CD53: variants seen among roughly 807,000 people sequenced by gnomAD.
The protein encoded by CD53 is CD53 molecule.
A neutral mutation model predicts 27.3 loss-of-function variants in CD53; 20 were observed. The ratio of observed to expected loss-of-function variants is 0.73; its 90% CI spans 0.52 to 1.07. CD53 has a LOEUF of 1.07. Among genes scored for constraint, CD53 ranks in the 50% least tolerant of loss-of-function variants. The probability of loss-of-function intolerance (pLI) is 0.00; values close to 1 mark genes in which losing one functional copy is unlikely to be tolerated. For missense variants in CD53, 216 were observed against 264.0 expected (o/e 0.82, Z 1.26); for synonymous variants, 106 against 105.3 (o/e 1.01, Z -0.04).
chr1:110,892,468 A>G lies in CD53; in HGVS notation c.187A>G (p.Ile63Val), dbSNP rs771166596. The stretch of plus-strand genomic sequence containing the variant: ...TGTGTTTGTCATCGTGGGCTCTATT[A>G]TCATGGTAGTTGCCTTCCTGGGCTG... ...GNVFVIVGSI[I>V]MVVAFLGCMG... Residue 63 changes from isoleucine to valine, a missense_variant, in exon 3 of 8, where the codon ATC becomes GTC. Coordinates refer to ENST00000271324, the MANE Select transcript of CD53 (RefSeq NM_000560.4). The G allele has an allele frequency of 6.2e-7, 1 of 1,614,016 alleles. No individual in the cohort carries two copies. Among genetic ancestry groups the G allele is most frequent in the Non-Finnish European group, 8.5e-7 (1 of 1,179,994 alleles).
chr1:110,892,246 T>C, intron 2 of CD53, 99 bp from the exon 3 acceptor site: 2 of 901,956 alleles, frequency 2.2e-6, no homozygotes, highest in South Asian at 1.3e-5. Flanking sequence ...ATTGAGCCAG[T>C]TAAAAATAAA....
At chr1:110,898,852 T>C (rs1401756007) in intron 7 of CD53, among the ~76,000 whole-genome samples, 1 of 152,108 alleles carries the variant, frequency 6.6e-6, no homozygotes, top group Non-Finnish European at 1.5e-5. Flanking sequence ...AATATGACCA[T>C]CCTAGCAGCA....
At chr1:110,883,145 A>T (rs1219199353) in intron 1 of CD53, among the ~76,000 whole-genome samples, 1 of 151,894 alleles carries the variant, frequency 6.6e-6, no homozygotes, top group Admixed American at 6.6e-5. Flanking sequence ...ATATAAGGGT[A>T]AGGCATTTGG....
chr1:110,891,567 A>T, intron 2 of CD53, 96 bp downstream of exon 2: 1 of 911,744 alleles, frequency 1.1e-6, no homozygotes, highest in Non-Finnish European at 1.8e-6. Context: ...GGTAAAATGC[A>T]TGCGTGTTTG....
At chr1:110,897,608 T>A (rs919601401) in intron 6 of CD53, 20 of 474,176 alleles carry the variant, frequency 4.2e-5, no homozygotes, top group African/African-American at 3.9e-4. Flanking sequence ...ACTGTAATGA[T>A]AACACCACCA....
chr1:110,873,159 C>T lies in CD53; in HGVS notation c.-107C>T, dbSNP rs1478559582. ...ACTTCTCCTTTTACACAAATAGCCC[C>T]GGATATCTGTGTTACCAGCCTTGTC... On this transcript the variant is annotated 5_prime_UTR_variant, in exon 1 of 8. Transcript: ENST00000271324. 3 of 152,554 alleles carry T rather than the reference C, an allele frequency of 2.0e-5. No individual in the cohort carries two copies. The highest frequency in any genetic ancestry group is 6.6e-5 in the Admixed American group (1 of 15,262). The allele number at this position is 152,554 out of a possible 1,614,324, so 9.5% of individuals were successfully genotyped here.
intron 1 of CD53, among the ~76,000 whole-genome samples, chr1:110,886,869 A>ATATATATATATATATATTTTT (rs1298376721): frequency 6.0e-5 from 5 of 82,790 alleles, no homozygotes; most frequent in Non-Finnish European, 1.1e-4. Context: ...ATATATATAT[A>ATATATATATATATATATTTTT]TTTTTTTTTT....
chr1:110,897,764 G>T, intron 6 of CD53, 45 bp from the exon 7 acceptor site: 1 of 1,165,470 alleles, frequency 8.6e-7, no homozygotes, highest in South Asian at 1.3e-5. Context: ...TCTTGATATG[G>T]TGGAATTATA....
intron 1 of CD53, among the ~76,000 whole-genome samples, chr1:110,877,058 T>C (rs1390283669): frequency 6.6e-6 from 1 of 152,206 alleles, no homozygotes; most frequent in Non-Finnish European, 1.5e-5. Context: ...ATGTACTTTA[T>C]TCAGATTCCA....
intron 1 of CD53, among the ~76,000 whole-genome samples, chr1:110,878,311 A>G (rs1446871478): frequency 6.6e-6 from 1 of 152,190 alleles, no homozygotes; most frequent in Non-Finnish European, 1.5e-5. Flanking sequence ...CTTTTTCTTA[A>G]TCACAGCCTC....
At chr1:110,889,383 C>T (rs1399407029) in intron 1 of CD53, among the ~76,000 whole-genome samples, 5 of 151,566 alleles carry the variant, frequency 3.3e-5, no homozygotes, top group African/African-American at 9.7e-5. Flanking sequence ...GGTGAAACCC[C>T]GTCTCTACTA....
At chr1:110,898,373 T>A (rs1657157592) in intron 7 of CD53, among the ~76,000 whole-genome samples, 1 of 103,640 alleles carries the variant, frequency 9.6e-6, no homozygotes, top group African/African-American at 3.1e-5. Context: ...CGAGACTCTG[T>A]CTCCAGAAAA....
intron 1 of CD53, among the ~76,000 whole-genome samples, chr1:110,886,220 C>T (rs1045584330): frequency 3.9e-5 from 6 of 152,046 alleles, no homozygotes; most frequent in Admixed American, 2.0e-4. Context: ...GAAGTCTGCT[C>T]TTATCCTTAC....
At chr1:110,897,761 A>G in intron 6 of CD53, 48 bp from the exon 7 acceptor site, 3 of 1,105,880 alleles carry the variant, frequency 2.7e-6, no homozygotes, top group Non-Finnish European at 2.8e-6. Context: ...TCCTCTTGAT[A>G]TGGTGGAATT....
Position 110,894,414 on chromosome 1 carries a change from G to T in CD53, c.327+13G>T. On this transcript the variant is annotated intron_variant, in intron 4 of 7. Coordinates refer to ENST00000271324, the MANE Select transcript of CD53 (RefSeq NM_000560.4). ...ATATGAACAGAAGGTAAGTTATAAA[G>T]ACAACAACTTATTGTCTTAATACTG... 1 of 1,602,064 alleles carries T rather than the reference G, an allele frequency of 6.2e-7. No homozygotes were observed. The highest frequency in any genetic ancestry group is 1.1e-5 in the South Asian group (1 of 90,882).
rs539079681 is a variant in CD53, at chr1:110,893,921, G to A, written c.253-406G>A. 3.3e-5 allele frequency among the ~76,000 whole-genome samples: 5 copies of A among 152,122 alleles called. No individual in the cohort carries two copies. The South Asian group carries it at 6.2e-4, about 19-fold the overall frequency. On this transcript the variant is annotated intron_variant, in intron 3 of 7. Transcript: ENST00000271324. ...CTACCATTGTACAGGGCTCCTCTCAGCCACTACCAGCAGTCCTCCACCCAG... is the reference window on the plus strand; with the variant it reads ...CTACCATTGTACAGGGCTCCTCTCAACCACTACCAGCAGTCCTCCACCCAG...
At chr1:110,872,415 A>G (rs1283203951), upstream of CD53, among the ~76,000 whole-genome samples, 2 of 152,208 alleles carry the variant, frequency 1.3e-5, no homozygotes, top group Non-Finnish European at 2.9e-5. Flanking sequence ...TAGGATTATT[A>G]TTAGGTGTTA....
intron 1 of CD53, among the ~76,000 whole-genome samples, chr1:110,876,395 TA>T (rs768907022): frequency 6.6e-6 from 1 of 152,190 alleles, no homozygotes; most frequent in Non-Finnish European, 1.5e-5. Flanking sequence ...TAAGCAAACA[TA>T]AAAATACCAC....
chr1:110,872,825 AC>A (rs141976894), upstream of CD53, among the ~76,000 whole-genome samples: 738 of 152,314 alleles, frequency 4.8e-3, 8 homozygotes, highest in African/African-American at 0.017. Context: ...TTCTTTTTGA[AC>A]AAATACACAG....
Sources: gnomAD v4.1 joint callset for allele counts (sites outside exome capture counted in the v4.1 genomes callset) on GRCh38, gnomAD v4.1.1 for gene constraint, MANE v1.5 for transcripts, NCBI Gene and HGNC (gene_info 2026-07-23, HGNC 2026-07-21) for gene names.